PIAS1: variants seen among roughly 807,000 people sequenced by gnomAD.
PIAS1 encodes the protein E3 SUMO-protein ligase PIAS1.
PIAS1 carries 6 observed loss-of-function variants against 71.3 expected under a neutral mutation model. That is an observed-to-expected ratio of 0.08 (90% CI 0.05 to 0.17). The LOEUF is 0.17. Among genes scored for constraint, PIAS1 ranks in the 10% least tolerant of loss-of-function variants. PIAS1 has a pLI of 1.00. For synonymous variants in PIAS1, 303 were observed against 292.9 expected (o/e 1.03, Z -0.35); for missense variants, 555 against 793.6 (o/e 0.70, Z 3.61).
At chr15:68,172,070 C>A (rs1003891971) in intron 8 of PIAS1, among the ~76,000 whole-genome samples, 2 of 152,020 alleles carry the variant, frequency 1.3e-5, no homozygotes, top group Non-Finnish European at 2.9e-5. Context: ...CCCAGCCCCC[C>A]ACCCCAAGAC....
At chr15:68,158,930 A>G (rs773155070) in intron 7 of PIAS1, among the ~76,000 whole-genome samples, 5 of 152,202 alleles carry the variant, frequency 3.3e-5, no homozygotes, top group Non-Finnish European at 5.9e-5. Flanking sequence ...AAATGTGGCT[A>G]GTTTAACGGA....
At chr15:68,124,752 A>G (rs2092638117) in intron 2 of PIAS1, among the ~76,000 whole-genome samples, 1 of 152,082 alleles carries the variant, frequency 6.6e-6, no homozygotes, top group Non-Finnish European at 1.5e-5. Flanking sequence ...ACAAAACCCA[A>G]AAGTTATAAA....
At chr15:68,088,176 GTA>G (rs71455574) in intron 2 of PIAS1, among the ~76,000 whole-genome samples, 942 of 72,856 alleles carry the variant, frequency 0.013, 37 homozygotes, top group African/African-American at 0.047. Context: ...TTATGTGTGT[GTA>G]TATATATATA....
chr15:68,134,550 T>C (rs1346347565), intron 2 of PIAS1, among the ~76,000 whole-genome samples: 3 of 29,936 alleles, frequency 1.0e-4, no homozygotes, highest in Non-Finnish European at 1.3e-4. Flanking sequence ...GGATCCTCAC[T>C]TCCCAGTAGG....
At chr15:68,148,902 G>A (rs1379916470) in intron 6 of PIAS1, among the ~76,000 whole-genome samples, 3 of 152,112 alleles carry the variant, frequency 2.0e-5, no homozygotes, top group African/African-American at 7.2e-5. Flanking sequence ...GAGTGGTGGC[G>A]ATAGAAATGG....
At chr15:68,087,378 A>G (rs963363579) in intron 2 of PIAS1, among the ~76,000 whole-genome samples, 3 of 152,192 alleles carry the variant, frequency 2.0e-5, no homozygotes, top group Non-Finnish European at 2.9e-5. Flanking sequence ...ATATTAATCA[A>G]CTTGTAATTT....
intron 2 of PIAS1, among the ~76,000 whole-genome samples, chr15:68,112,856 C>G (rs2092533944): frequency 1.3e-5 from 2 of 152,152 alleles, no homozygotes; most frequent in Admixed American, 6.6e-5. Context: ...GAGTATGTCT[C>G]GGAAATAACA....
At chr15:68,077,025 C>T (rs931258571) in intron 1 of PIAS1, among the ~76,000 whole-genome samples, 1 of 152,192 alleles carries the variant, frequency 6.6e-6, no homozygotes, top group East Asian at 1.9e-4. Context: ...TGAAACATTA[C>T]GTTCTACTTT....
At chr15:68,108,854 A>G (rs2092496832) in intron 2 of PIAS1, among the ~76,000 whole-genome samples, 1 of 152,156 alleles carries the variant, frequency 6.6e-6, no homozygotes, top group South Asian at 2.1e-4. Flanking sequence ...GACCATTCTC[A>G]TGACCTTTAC....
chr15:68,110,185 C>A (rs1567045821), intron 2 of PIAS1, among the ~76,000 whole-genome samples: 1 of 152,050 alleles, frequency 6.6e-6, no homozygotes, highest in Non-Finnish European at 1.5e-5. Context: ...AGAAAAATCT[C>A]ATGCAACAAT....
At chr15:68,088,207 TTTAAA>T (rs2092303132) in intron 2 of PIAS1, among the ~76,000 whole-genome samples, 1 of 142,936 alleles carries the variant, frequency 7.0e-6, no homozygotes, top group African/African-American at 2.6e-5. Context: ...TATATCCCAT[TTTAAA>T]TTAAAGGCCA....
In PIAS1 at chr15:68,146,665, A is replaced by T. The variant is rs1567063159; in HGVS notation, c.793A>T (p.Thr265Ser). 3 of 1,612,676 alleles carry T rather than the reference A, an allele frequency of 1.9e-6. No homozygotes were observed. The highest frequency in any genetic ancestry group is 1.7e-4 in the Middle Eastern group (1 of 6,054). Residue 265 changes from threonine (T) to serine (S), a missense_variant, in exon 6 of 14, where the codon ACG becomes TCG. Thr to Ser is a moderately conservative substitution (Grantham distance 58). Coordinates refer to ENST00000249636, the MANE Select transcript of PIAS1 (RefSeq NM_016166.3). ...CCGACTGTCCACAACAGTACCAAAC[A>T]CGATTGTTGTTTCTTGGACTGCAGA... ...LVRLSTTVPN[T>S]IVVSWTAEIG...
chr15:68,115,312 T>C (rs1288622765), intron 2 of PIAS1, among the ~76,000 whole-genome samples: 1 of 152,126 alleles, frequency 6.6e-6, no homozygotes, highest in Non-Finnish European at 1.5e-5. Flanking sequence ...TGTCAAACTC[T>C]CTTCCACAGT....
rs1365617253 is a variant in PIAS1, at chr15:68,173,442, G to T, written c.1009-290G>T. On this transcript the variant is annotated intron_variant, in intron 8 of 13. Transcript: ENST00000249636. The surrounding 1 kb of genome is among the most constrained non-coding windows in gnomAD (Gnocchi z 4.3). The stretch of plus-strand genomic sequence containing the variant: ...CGAAATTTTGAATGTAATTCAAGGG[G>T]TTTATGACCCTCTCCACCAAAAGCT... 6.6e-6 allele frequency among the ~76,000 whole-genome samples: 1 copy of T among 152,056 alleles called. No individual in the cohort carries two copies. Among genetic ancestry groups the T allele is most frequent in the African/African-American group, 2.4e-5 (1 of 41,404 alleles).
intron 1 of PIAS1, among the ~76,000 whole-genome samples, chr15:68,081,755 C>T (rs909691373): frequency 5.3e-5 from 8 of 152,006 alleles, no homozygotes; most frequent in African/African-American, 1.9e-4. Context: ...ATGAGATTAT[C>T]AGTCTAGGAA....
chr15:68,088,177 T>TGTATATATATATATATAC (rs34125193), intron 2 of PIAS1, among the ~76,000 whole-genome samples: 13 of 19,442 alleles, frequency 6.7e-4, no homozygotes, highest in Admixed American at 5.8e-3. Flanking sequence ...TATGTGTGTG[T>TGTATATATATATATATAC]ATATATATAT....
Position 68,174,892 on chromosome 15 carries a change from C to T in PIAS1, c.1170-745C>T, listed in dbSNP as rs919976730. ...TTTATGTTTAATTTTTCAGAAATGT[C>T]GGTGATCACTTACTAGTAAATCAGA... On this transcript the variant is annotated intron_variant, in intron 9 of 13. Coordinates refer to ENST00000249636, the MANE Select transcript of PIAS1 (RefSeq NM_016166.3). This position sits in a 1 kb window ranked among gnomAD's most constrained non-coding sequence, Gnocchi z 4.0. 3.9e-5 allele frequency among the ~76,000 whole-genome samples: 6 copies of T among 152,088 alleles called. No individual in the cohort carries two copies. Among genetic ancestry groups the T allele is most frequent in the Non-Finnish European group, 7.4e-5 (5 of 68,008 alleles).
Position 68,086,050 on chromosome 15 carries a change from C to G in PIAS1, c.25-256C>G, listed in dbSNP as rs1228940097. ...GTGGAATAAAGTGAGGTGTGGTTTT[C>G]CCTGGTGTATACTTTATCCTATATT... On this transcript the variant is annotated intron_variant, in intron 1 of 13. Transcript: ENST00000249636. The surrounding 1 kb of genome is among the most constrained non-coding windows in gnomAD (Gnocchi z 7.2). 1.3e-5 allele frequency among the ~76,000 whole-genome samples: 2 copies of G among 152,090 alleles called. No homozygotes were observed. Among genetic ancestry groups the G allele is most frequent in the Non-Finnish European group, 2.9e-5 (2 of 68,006 alleles).
chr15:68,182,490 CGTGTGTGTGTGTGT>C (rs67774530), intron 12 of PIAS1, among the ~76,000 whole-genome samples: 1 of 123,280 alleles, frequency 8.1e-6, no homozygotes, highest in Admixed American at 8.2e-5. Flanking sequence ...GCTCAGGCTG[CGTGTGTGTGTGTGT>C]GTGTGTGTGT....
Sources: allele counts gnomAD v4.1 joint callset (sites outside exome capture counted in the v4.1 genomes callset), GRCh38; gene constraint gnomAD v4.1.1; non-coding constraint Gnocchi (gnomAD v3.1); transcripts MANE v1.5; gene names NCBI Gene and HGNC (gene_info 2026-07-23, HGNC 2026-07-21).